RAPGEF4: variants seen among roughly 807,000 people sequenced by gnomAD.
RAPGEF4 encodes the protein RAP guanine-nucleotide-exchange factor (GEF) 4.
A neutral mutation model predicts 147.9 loss-of-function variants in RAPGEF4; 66 were observed. That is an observed-to-expected ratio of 0.45 (90% CI 0.37 to 0.55). The LOEUF is 0.55. Among genes scored for constraint, RAPGEF4 ranks in the 20% least tolerant of loss-of-function variants. The pLI is 0.00. For missense variants in RAPGEF4, 1,071 were observed against 1,257.3 expected, an observed-to-expected ratio of 0.85 and a Z score of 2.24; for synonymous variants, 419 against 442.7, an observed-to-expected ratio of 0.95 and a Z score of 0.67.
intron 1 of RAPGEF4, among the ~76,000 whole-genome samples, chr2:172,780,055 C>T (rs1342374938): frequency 4.6e-5 from 7 of 152,082 alleles, no homozygotes; most frequent in Non-Finnish European, 1.0e-4. Context: ...CGGCATGTTA[C>T]ACACCTAAAC....
chr2:172,798,720 T>C lies in RAPGEF4; in HGVS notation c.297+1107T>C, dbSNP rs116509438. On this transcript the variant is annotated intron_variant, in intron 3 of 30. Transcript: ENST00000397081. ...TTTGAGGTTTACATTTTTTAGGAAC[T>C]TGTATGTGTATTGAAGTTGTGGGCA... is the stretch of plus-strand genomic sequence containing the variant. Among the ~76,000 whole-genome samples, 903 of 151,298 alleles carry C rather than the reference T, an allele frequency of 6.0e-3. 3 individuals are homozygous for C. Among genetic ancestry groups the C allele is most frequent in the Middle Eastern group, 0.01 (3 of 294 alleles).
chr2:172,910,009 C>T (rs535716007), intron 4 of RAPGEF4, among the ~76,000 whole-genome samples: 1 of 152,292 alleles, frequency 6.6e-6, no homozygotes, highest in Admixed American at 6.5e-5. Flanking sequence ...TGGGCATGAC[C>T]CTTGCTGCCA....
intron 1 of RAPGEF4, among the ~76,000 whole-genome samples, chr2:172,778,452 C>T (rs1435493145): frequency 1.3e-5 from 2 of 152,134 alleles, no homozygotes; most frequent in East Asian, 1.9e-4. Context: ...CACCCCCCTC[C>T]CCATTTAAAT....
At chr2:172,928,256 G>A (rs867481832) in intron 6 of RAPGEF4, 9 of 451,894 alleles carry the variant, frequency 2.0e-5, no homozygotes, top group African/African-American at 4.0e-5. Context: ...GCAGACTGTC[G>A]TTGCTGAATT....
rs1437294665 is a variant in RAPGEF4 at position 173,026,757 on chromosome 2, T to C, written c.2379+60T>C. 6 of 1,587,250 alleles carry C rather than the reference T, an allele frequency of 3.8e-6. No homozygotes were observed. The Admixed American group carries it at 7.0e-5, about 18-fold the overall frequency. ...ATAGCAAGGATAAAGGCTGCTGGCA[T>C]TGCTTAGTTTGTAAGTGCTAATATG... On this transcript the variant is annotated intron_variant, in intron 24 of 30. Transcript: ENST00000397081.
chr2:172,925,927 G>A (rs1177858575), intron 6 of RAPGEF4, among the ~76,000 whole-genome samples: 1 of 135,630 alleles, frequency 7.4e-6, no homozygotes, highest in African/African-American at 2.7e-5. Flanking sequence ...GAGTAAAAAA[G>A]AAAGAGGAGG....
chr2:172,739,666 C>T lies in RAPGEF4; in HGVS notation c.65+3618C>T, dbSNP rs529359155. Among the ~76,000 whole-genome samples, 83 of 152,292 alleles carry T rather than the reference C, an allele frequency of 5.5e-4. 1 individual carries two copies. The Middle Eastern group carries it at 0.01, about 19-fold the overall frequency. ...GAATACAGGTGTGAGCCACCACACC[C>T]GGCCCATTGTTTAATTTTAATGAAA... On this transcript the variant is annotated intron_variant, in intron 1 of 30. Coordinates refer to ENST00000397081, the MANE Select transcript of RAPGEF4 (RefSeq NM_007023.4).
rs181005933 is a variant in RAPGEF4 at position 172,777,164 on chromosome 2, C to T, written c.66-17861C>T. On this transcript the variant is annotated intron_variant, in intron 1 of 30. Transcript: ENST00000397081. ...TAGAATAGGTCTAGCTCTTGGGCTA[C>T]AGTAGCATTTTTGGAGACTCAGCTG... 5.1e-4 allele frequency among the ~76,000 whole-genome samples: 78 copies of T among 152,304 alleles called. 1 individual carries two copies. The highest frequency in any genetic ancestry group is 1.9e-3 in the African/African-American group (77 of 41,568).
At chr2:172,851,760 A>G (rs894380975) in intron 4 of RAPGEF4, among the ~76,000 whole-genome samples, 3 of 152,180 alleles carry the variant, frequency 2.0e-5, no homozygotes, top group African/African-American at 7.2e-5. Flanking sequence ...ACACATGGAC[A>G]CAAAGAAGGG....
intron 17 of RAPGEF4, among the ~76,000 whole-genome samples, chr2:173,011,651 C>A (rs1445756380): frequency 6.6e-6 from 1 of 151,974 alleles, no homozygotes; most frequent in Non-Finnish European, 1.5e-5. Context: ...TAGGACTGTG[C>A]CCATTGTATC....
At position 173,001,451 on chromosome 2, in the gene RAPGEF4, G is replaced by A. The variant is rs1026153292; in HGVS notation, c.1658+107G>A. On this transcript the variant is annotated intron_variant, in intron 17 of 30. Coordinates refer to ENST00000397081, the MANE Select transcript of RAPGEF4 (RefSeq NM_007023.4). ...GCAGGTAAGTCATGGCCCAGGCAGA[G>A]TTGTGCATTCCACCCTCATCACACT... The A allele has an allele frequency of 3.6e-5, 50 of 1,379,090 alleles. No individual in the cohort carries two copies. The Middle Eastern group carries it at 1.6e-3, about 44-fold the overall frequency. 85.4% of individuals were successfully genotyped at this position (1,379,090 alleles called of 1,614,324 possible). A position where few individuals can be genotyped will look rare whatever the true frequency, so the allele number is the denominator to read the frequency against.
chr2:173,038,988 C>G (rs984666038), intron 29 of RAPGEF4, among the ~76,000 whole-genome samples: 1 of 152,188 alleles, frequency 6.6e-6, no homozygotes, highest in Admixed American at 6.5e-5. Flanking sequence ...ATACCCAGAG[C>G]AGTGGATTCC....
chr2:172,867,388 G>T (rs1409284804), intron 4 of RAPGEF4, among the ~76,000 whole-genome samples: 1 of 152,072 alleles, frequency 6.6e-6, no homozygotes, highest in African/African-American at 2.4e-5. Context: ...ACTGTCCTTG[G>T]GGTAACTGAA....
intron 6 of RAPGEF4, among the ~76,000 whole-genome samples, chr2:172,949,373 A>T (rs1361858389): frequency 1.3e-5 from 2 of 152,204 alleles, no homozygotes; most frequent in African/African-American, 4.8e-5. Flanking sequence ...ACTGTAATGG[A>T]GATTCAGGAA....
chr2:172,930,289 C>T (rs1000243918), intron 6 of RAPGEF4, among the ~76,000 whole-genome samples: 5 of 152,204 alleles, frequency 3.3e-5, no homozygotes, highest in Admixed American at 1.3e-4. Flanking sequence ...CATAGGCATT[C>T]CAGTGTCCCA....
In RAPGEF4 at chr2:173,027,182, C is replaced by T. The variant is rs199677599; in HGVS notation, c.2481C>T (p.Val827=). The change falls in exon 25 of 31, where the codon GTC becomes GTT. Residue 827 remains valine, a synonymous_variant. Transcript: ENST00000397081. The part of the protein sequence containing the change: ...LRRFNEIQFW[V]VTEICLCSQL... ...GATTTAATGAAATTCAGTTTTGGGT[C>T]GTCACTGAGATCTGCCTTTGTTCTC... 4.2e-5 allele frequency: 67 copies of T among 1,613,478 alleles called. No individual in the cohort carries two copies. The East Asian group carries it at 1.3e-3, about 32-fold the overall frequency.
chr2:172,777,047 C>CT (rs1180930166), intron 1 of RAPGEF4, among the ~76,000 whole-genome samples: 2 of 152,020 alleles, frequency 1.3e-5, no homozygotes, highest in Admixed American at 6.5e-5. Context: ...GATTGTGTTT[C>CT]TTTTTTTAAA....
chr2:172,985,131 C>CA (rs1692106752), intron 11 of RAPGEF4, among the ~76,000 whole-genome samples: 1 of 152,156 alleles, frequency 6.6e-6, no homozygotes, highest in Non-Finnish European at 1.5e-5. Flanking sequence ...CACCCACAGC[C>CA]AAAGACAGGC....
chr2:172,873,883 C>T (rs1281318548), intron 4 of RAPGEF4, among the ~76,000 whole-genome samples: 2 of 152,042 alleles, frequency 1.3e-5, no homozygotes, highest in Non-Finnish European at 2.9e-5. Context: ...AAAAAGTGGG[C>T]AAAGGATATG....
Sources: gnomAD v4.1 joint callset for allele counts (sites outside exome capture counted in the v4.1 genomes callset) on GRCh38, gnomAD v4.1.1 for gene constraint, MANE v1.5 for transcripts, NCBI Gene and HGNC (gene_info 2026-07-23, HGNC 2026-07-21) for gene names.